LARP1B: variants seen among roughly 807,000 people sequenced by gnomAD.
The protein encoded by LARP1B is la-related protein 1B.
LARP1B carries 76 observed loss-of-function variants against 114.2 expected under a neutral mutation model. The observed-to-expected ratio is 0.67, with a 90% CI of 0.55 to 0.81. The LOEUF (loss-of-function observed/expected upper bound fraction) is 0.81, where lower values mean the gene tolerates loss of function less well. Among genes scored for constraint, LARP1B ranks in the 30% least tolerant of loss-of-function variants. The pLI, the probability that LARP1B is intolerant of heterozygous loss-of-function variation, is 0.00. For synonymous variants in LARP1B, 345 were observed against 348.0 expected (o/e 0.99, Z 0.10); for missense variants, 1,014 against 1,075.8 (o/e 0.94, Z 0.80).
chr4:128,110,632 C>A (rs1380711490), intron 9 of LARP1B, among the ~76,000 whole-genome samples: 1 of 110,376 alleles, frequency 9.1e-6, no homozygotes, highest in African/African-American at 3.5e-5. Flanking sequence ...AGCCGAGATC[C>A]CGCCACTGCA....
chr4:128,155,603 A>T lies in LARP1B; in HGVS notation c.1525-6591A>T, dbSNP rs1464393497. 25 of 1,038,066 alleles carry T rather than the reference A, an allele frequency of 2.4e-5. 1 individual carries two copies. The highest frequency in any genetic ancestry group is 1.9e-4 in the East Asian group (8 of 42,340). The allele number at this position is 1,038,066 out of a possible 1,614,324, so 64.3% of individuals were successfully genotyped here. On this transcript the variant is annotated intron_variant, in intron 11 of 19. Transcript: ENST00000326639. ...TGCCCCAGGCCTCTGACCTACCCTT[A>T]GTCCAGCCCCCTACAACCCCAGCCA... is the stretch of plus-strand genomic sequence containing the variant.
chr4:128,098,134 AAT>A, intron 7 of LARP1B, 50 bp from the exon 8 acceptor site: 1 of 1,397,194 alleles, frequency 7.2e-7, no homozygotes, highest in Non-Finnish European at 1.0e-6. Context: ...GAGCAATAGA[AAT>A]ATTTATTTCC....
Position 128,114,571 on chromosome 4 carries a change from G to A in LARP1B, c.990G>A (p.Glu330=), listed in dbSNP as rs2149900593. The change falls in exon 10 of 20, where the codon GAG becomes GAA. Residue 330 remains glutamate (E), a splice_region_variant and synonymous_variant. Transcript: ENST00000326639. ...VPGQAFCSHT[E]SAPNSPRIGS... Reference sequence around the variant, plus strand: ...TATAGAACTAACTTAAAATTTTAGAGTCTGCCCCAAATTCTCCAAGAATTG... The same window carrying A: ...TATAGAACTAACTTAAAATTTTAGAATCTGCCCCAAATTCTCCAAGAATTG... 5.6e-6 allele frequency: 9 copies of A among 1,606,896 alleles called. No homozygotes were observed. The highest frequency in any genetic ancestry group is 6.8e-6 in the Non-Finnish European group (8 of 1,176,684).
In LARP1B at chr4:128,210,049, A is replaced by G. The variant is rs371081191; in HGVS notation, c.2741A>G (p.His914Arg). The G allele has an allele frequency of 2.0e-5, 32 of 1,613,896 alleles. No homozygotes were observed. The African/African-American group carries it at 3.9e-4, about 20-fold the overall frequency. Residue 914 changes from histidine to arginine, a missense_variant, in exon 20 of 20, where the codon CAT becomes CGT. Transcript: ENST00000326639. ...NISPESSDNSH is the reference protein window; with the variant it reads ...NISPESSDNSR ...TCACCGGAGTCCAGTGACAATTCAC[A>G]TTAAACAGTGCTGCCTGTGTCCTGT...
Position 128,209,897 on chromosome 4 carries a change from T to G in LARP1B, c.2589T>G (p.Ser863=). The change falls in exon 20 of 20, where the codon TCT becomes TCG. Residue 863 remains serine, a synonymous_variant. Coordinates refer to ENST00000326639, the MANE Select transcript of LARP1B (RefSeq NM_018078.4). ...SDEFGRKRHS[S]TSGEESNRHR... ...AATTTGGAAGAAAAAGACATTCCTC[T>G]ACTTCTGGTGAGGAGAGTAATCGTC... 3 of 1,613,988 alleles carry G rather than the reference T, an allele frequency of 1.9e-6. No individual in the cohort carries two copies. The highest frequency in any genetic ancestry group is 1.7e-6 in the Non-Finnish European group (2 of 1,179,878).
At chr4:128,075,969 C>G in intron 3 of LARP1B, among the ~76,000 whole-genome samples, 1 of 152,048 alleles carries the variant, frequency 6.6e-6, no homozygotes, top group Admixed American at 6.6e-5. Flanking sequence ...GATAGTTTAC[C>G]CGCTTTTCAG....
intron 11 of LARP1B, among the ~76,000 whole-genome samples, chr4:128,156,878 A>AC (rs1362631078): frequency 6.6e-6 from 1 of 151,420 alleles, no homozygotes; most frequent in Non-Finnish European, 1.5e-5. Flanking sequence ...AAAAAAAAAA[A>AC]AAAAAAAAAA....
At position 128,154,307 on chromosome 4, in the gene LARP1B, A is replaced by T. The variant is rs184469113; in HGVS notation, c.1525-7887A>T. ...TGGCCATTGATGGTTTCAGGCTTTC[A>T]TTATTTTCAAAGTAAATGATTCCAA... On this transcript the variant is annotated intron_variant, in intron 11 of 19. Transcript: ENST00000326639. 3.0e-4 allele frequency among the ~76,000 whole-genome samples: 45 copies of T among 152,258 alleles called. No homozygotes were observed. The East Asian group carries it at 8.1e-3, about 27-fold the overall frequency.
At chr4:128,076,167 C>T (rs1436989727) in intron 3 of LARP1B, among the ~76,000 whole-genome samples, 1 of 152,116 alleles carries the variant, frequency 6.6e-6, no homozygotes, top group Non-Finnish European at 1.5e-5. Flanking sequence ...GCACGCACCA[C>T]CACATCTGGC....
At chr4:128,096,057 G>C (rs572907231) in intron 7 of LARP1B, among the ~76,000 whole-genome samples, 183 of 144,258 alleles carry the variant, frequency 1.3e-3, no homozygotes, top group African/African-American at 4.4e-3. Context: ...GCAGTGGCAC[G>C]ATCTCAGCTC....
intron 1 of LARP1B, among the ~76,000 whole-genome samples, chr4:128,067,806 T>C (rs1380033288): frequency 6.6e-6 from 1 of 151,622 alleles, no homozygotes; most frequent in East Asian, 1.9e-4. Context: ...ATCTCCCGTG[T>C]TCAAGCGATT....
At chr4:128,152,199 AG>A (rs1429705328) in intron 11 of LARP1B, among the ~76,000 whole-genome samples, 1 of 144,734 alleles carries the variant, frequency 6.9e-6, no homozygotes, top group Non-Finnish European at 1.5e-5. Flanking sequence ...GCTTATTATA[AG>A]ATGGTGATTT....
intron 9 of LARP1B, among the ~76,000 whole-genome samples, chr4:128,111,964 A>G (rs1580550568): frequency 6.6e-6 from 1 of 151,786 alleles, no homozygotes; most frequent in East Asian, 1.9e-4. Flanking sequence ...TGCTGGGATT[A>G]TAGGCATGAG....
At chr4:128,168,980 T>A (rs1456581316) in intron 12 of LARP1B, among the ~76,000 whole-genome samples, 1 of 152,148 alleles carries the variant, frequency 6.6e-6, no homozygotes, top group Admixed American at 6.5e-5. Flanking sequence ...TTTATTTATT[T>A]AAGAAACATA....
chr4:128,084,074 G>A (rs552486479), intron 5 of LARP1B, among the ~76,000 whole-genome samples: 4 of 152,158 alleles, frequency 2.6e-5, no homozygotes, highest in African/African-American at 4.8e-5. Flanking sequence ...GATGGTTGCC[G>A]GGAAGAGGCG....
chr4:128,160,816 T>C (rs1295025183), intron 11 of LARP1B, among the ~76,000 whole-genome samples: 1 of 152,178 alleles, frequency 6.6e-6, no homozygotes, highest in Non-Finnish European at 1.5e-5. Context: ...AAAGGTACTT[T>C]AGTGAAAAAA....
Position 128,083,452 on chromosome 4 carries a change from C to G in LARP1B, c.358+1147C>G, listed in dbSNP as rs551085201. On this transcript the variant is annotated intron_variant, in intron 5 of 19. Transcript: ENST00000326639. ...CGGCTGGCCGGGCAGGGGGCTGACC[C>G]CCCCCACCTCCCTCCCGGACGGAGA... Among the ~76,000 whole-genome samples the G allele has an allele frequency of 5.3e-3, 792 of 150,220 alleles. 8 individuals are homozygous for G. Among genetic ancestry groups the G allele is most frequent in the African/African-American group, 0.018 (751 of 41,018 alleles).
At chr4:128,202,505 G>A (rs1314502898) in intron 17 of LARP1B, among the ~76,000 whole-genome samples, 1 of 152,134 alleles carries the variant, frequency 6.6e-6, no homozygotes, top group Non-Finnish European at 1.5e-5. Flanking sequence ...TTAGTTATAA[G>A]GTAAAATATT....
chr4:128,103,597 C>T (rs964651489), intron 8 of LARP1B, among the ~76,000 whole-genome samples: 5 of 144,228 alleles, frequency 3.5e-5, no homozygotes, highest in Admixed American at 7.1e-5. Context: ...GAGTCTCACT[C>T]TGTCACCCAG....
Sources: allele counts gnomAD v4.1 joint callset (sites outside exome capture counted in the v4.1 genomes callset), GRCh38; gene constraint gnomAD v4.1.1; transcripts MANE v1.5; gene names NCBI Gene and HGNC (gene_info 2026-07-23, HGNC 2026-07-21).